TNRC6C: variants seen among roughly 807,000 people sequenced by gnomAD.
TNRC6C encodes the protein trinucleotide repeat-containing gene 6C protein.
TNRC6C carries 20 observed loss-of-function variants against 153.7 expected under a neutral mutation model. That is an observed-to-expected ratio of 0.13 (90% CI 0.09 to 0.19). The LOEUF (loss-of-function observed/expected upper bound fraction) is 0.19. TNRC6C is among the 10% of genes least tolerant of loss of function. The probability of loss-of-function intolerance (pLI) is 1.00; values close to 1 mark genes in which losing one functional copy is unlikely to be tolerated. For synonymous variants in TNRC6C, 811 were observed against 841.4 expected (o/e 0.96, Z 0.63); for missense variants, 1,987 against 2,172.0 (o/e 0.91, Z 1.69).
intron 5 of TNRC6C, among the ~76,000 whole-genome samples, chr17:78,069,672 C>T (rs898682440): frequency 6.6e-6 from 1 of 152,070 alleles, no homozygotes. Flanking sequence ...GATGGAGTAA[C>T]AAGTTAATTA....
intron 1 of TNRC6C, among the ~76,000 whole-genome samples, chr17:77,971,474 A>G (rs1324357111): frequency 3.3e-5 from 5 of 152,140 alleles, no homozygotes; most frequent in African/African-American, 7.2e-5. Flanking sequence ...CCCAGACTCA[A>G]TATTTCCATA....
At chr17:77,964,400 G>C (rs1382192846) in intron 1 of TNRC6C, among the ~76,000 whole-genome samples, 5 of 152,198 alleles carry the variant, frequency 3.3e-5, no homozygotes, top group Admixed American at 2.6e-4. Flanking sequence ...CTAATGTGCA[G>C]ACTGTCTTTT....
chr17:78,056,640 T>G (rs997948657), intron 3 of TNRC6C, among the ~76,000 whole-genome samples: 34 of 151,944 alleles, frequency 2.2e-4, no homozygotes, highest in Admixed American at 2.2e-3. Flanking sequence ...ATTTTTTTTG[T>G]ATTTTTAGTA....
intron 2 of TNRC6C, among the ~76,000 whole-genome samples, chr17:78,039,113 C>T (rs1407870669): frequency 2.6e-5 from 4 of 152,316 alleles, no homozygotes; most frequent in East Asian, 1.9e-4. Flanking sequence ...CAAGTTGGAA[C>T]GTGTCGAGAG....
intron 11 of TNRC6C, among the ~76,000 whole-genome samples, chr17:78,085,523 A>G (rs1382135071): frequency 6.6e-6 from 1 of 152,104 alleles, no homozygotes; most frequent in African/African-American, 2.4e-5. Context: ...CCTAAAATTC[A>G]TGTTGTAAGA....
At chr17:78,028,592 T>C (rs1486106634) in intron 1 of TNRC6C, among the ~76,000 whole-genome samples, 1 of 152,090 alleles carries the variant, frequency 6.6e-6, no homozygotes, top group Non-Finnish European at 1.5e-5. Context: ...GTGGACAATG[T>C]AGCGTTCACA....
At chr17:78,031,772 G>C (rs2072079657) in exon 2 of TNRC6C, 1 of 1,232,316 alleles carries the variant, frequency 8.1e-7, no homozygotes, top group African/African-American at 1.5e-5. Flanking sequence ...AGGGTGCTGG[G>C]CCTGCAGGGG....
exon 20 of TNRC6C, chr17:78,107,752 T>C (rs924584213): frequency 1.3e-5 from 2 of 152,256 alleles, no homozygotes; most frequent in Non-Finnish European, 2.9e-5. Context: ...TAACTTCTGT[T>C]GTCTGGGACG....
chr17:78,083,182 C>T lies in TNRC6C; in HGVS notation c.3477+16C>T. ...GCTGCAGCTGGTGAGTGGATAGACC[C>T]ATGCAAGTTAGAGCACGCAGGCCGA... On this transcript the variant is annotated intron_variant, in intron 11 of 19. Coordinates refer to ENST00000301624, the Ensembl canonical transcript of TNRC6C. 6.2e-7 allele frequency: 1 copy of T among 1,613,472 alleles called. No individual in the cohort carries two copies. Among genetic ancestry groups the T allele is most frequent in the Admixed American group, 1.7e-5 (1 of 60,018 alleles).
intron 4 of TNRC6C, 118 bp from the exon 7 acceptor site, chr17:78,067,639 A>C: frequency 9.1e-7 from 1 of 1,104,826 alleles, no homozygotes; most frequent in Non-Finnish European, 1.3e-6. Context: ...ATGAAGGCAT[A>C]AAAAGGTAGA....
At chr17:78,081,283 G>A (rs1426311074) in intron 10 of TNRC6C, among the ~76,000 whole-genome samples, 2 of 151,854 alleles carry the variant, frequency 1.3e-5, no homozygotes, top group African/African-American at 2.4e-5. Flanking sequence ...CTCGGGGGAC[G>A]CAGACATTCA....
At chr17:78,033,372 TA>T (rs2072111495) in intron 2 of TNRC6C, among the ~76,000 whole-genome samples, 1 of 152,200 alleles carries the variant, frequency 6.6e-6, no homozygotes, top group South Asian at 2.1e-4. Flanking sequence ...ATAGTCCTTC[TA>T]AAATATATAT....
At chr17:78,080,903 A>G (rs1056098359) in intron 10 of TNRC6C, among the ~76,000 whole-genome samples, 2 of 152,086 alleles carry the variant, frequency 1.3e-5, no homozygotes, top group Admixed American at 6.5e-5. Flanking sequence ...TAATTCATCA[A>G]TCTTCTATTA....
intron 2 of TNRC6C, chr17:78,041,100 G>A (rs2143852754): frequency 6.6e-6 from 1 of 152,322 alleles, no homozygotes; most frequent in East Asian, 1.9e-4. Flanking sequence ...TAGGAGGGTT[G>A]GGCGGCACCG....
At chr17:78,099,149 A>G (rs1425309698) in intron 17 of TNRC6C, among the ~76,000 whole-genome samples, 1 of 152,212 alleles carries the variant, frequency 6.6e-6, no homozygotes. Context: ...CCATCTCCAC[A>G]AAAAATAAAT....
chr17:78,042,716 G>A (rs2072321784), intron 2 of TNRC6C, among the ~76,000 whole-genome samples: 1 of 151,838 alleles, frequency 6.6e-6, no homozygotes. Context: ...GGTGATGATG[G>A]TGGAGATAAC....
chr17:78,070,681 A>C (rs902866306), intron 5 of TNRC6C, among the ~76,000 whole-genome samples: 6 of 152,088 alleles, frequency 3.9e-5, no homozygotes, highest in Non-Finnish European at 8.8e-5. Context: ...AAACCCCCTC[A>C]TTTTATCATT....
chr17:77,986,306 T>C (rs1467937753), intron 1 of TNRC6C, among the ~76,000 whole-genome samples: 1 of 151,696 alleles, frequency 6.6e-6, no homozygotes, highest in Non-Finnish European at 1.5e-5. Flanking sequence ...TCCCAGCCAT[T>C]TGGGAGGCTG....
At chr17:78,040,390 TG>T (rs1474247033) in intron 2 of TNRC6C, among the ~76,000 whole-genome samples, 3 of 152,238 alleles carry the variant, frequency 2.0e-5, no homozygotes, top group Non-Finnish European at 4.4e-5. Context: ...ATTGTTTTGG[TG>T]GCTGCTTTGT....
Sources: gnomAD v4.1 joint callset for allele counts (sites outside exome capture counted in the v4.1 genomes callset) on GRCh38, gnomAD v4.1.1 for gene constraint, MANE v1.5 for transcripts, NCBI Gene and HGNC (gene_info 2026-07-23, HGNC 2026-07-21) for gene names.